Variants in FBXW7 observed in about 807,000 individuals in gnomAD.
FBXW7 encodes the protein F-box and WD repeat domain containing 7.
FBXW7 carries 11 observed loss-of-function variants against 86.3 expected under a neutral mutation model. The ratio of observed to expected loss-of-function variants is 0.13; its 90% confidence interval spans 0.08 to 0.21. The LOEUF is 0.21. Ranked by LOEUF, FBXW7 falls within the 10% of genes least tolerant of loss-of-function variation. The pLI is 1.00. For synonymous variants in FBXW7, 313 were observed against 297.9 expected, an observed-to-expected ratio of 1.05 and a Z score of -0.52; for missense variants, 488 against 847.4, an observed-to-expected ratio of 0.58 and a Z score of 5.27.
chr4:152,411,903 T>A (rs1247890710), intron 3 of FBXW7, 31 bp from the exon 4 acceptor site: 2 of 1,441,756 alleles, frequency 1.4e-6, no homozygotes, highest in Non-Finnish European at 1.8e-6. Context: ...AAAAACAAGA[T>A]TTGTACAATC....
intron 4 of FBXW7, among the ~76,000 whole-genome samples, chr4:152,389,219 T>C (rs1735790853): frequency 1.3e-5 from 2 of 152,032 alleles, no homozygotes; most frequent in African/African-American, 4.8e-5. Context: ...ATGGAAAACA[T>C]TATGGAGATT....
chr4:152,332,573 C>A, intron 8 of FBXW7, 23 bp downstream of exon 8: 1 of 1,547,592 alleles, frequency 6.5e-7, no homozygotes, highest in Non-Finnish European at 8.8e-7. Context: ...TAAACATATT[C>A]TCTATGCAAT....
chr4:152,484,146 C>G (rs943961123), intron 2 of FBXW7, among the ~76,000 whole-genome samples: 1 of 152,128 alleles, frequency 6.6e-6, no homozygotes, highest in Non-Finnish European at 1.5e-5. Context: ...TTTCTTCATA[C>G]AAATCCTATT....
Position 152,321,409 on chromosome 4 carries a change from G to A in FBXW7, c.*1472C>T, listed in dbSNP as rs1349705663. ...AAAATTAACCAACTTGAATCTGATT[G>A]TTTTAAATCAGACTATAAATAAAAC... On this transcript the variant is annotated 3_prime_UTR_variant, in exon 14 of 14. Transcript: ENST00000281708. 4.3e-6 allele frequency: 1 copy of A among 232,704 alleles called. No homozygotes were observed. Among genetic ancestry groups the A allele is most frequent in the Non-Finnish European group, 8.5e-6 (1 of 117,544 alleles). The allele number at this position is 232,704 out of a possible 1,614,324, so 14.4% of individuals were successfully genotyped here. A position where few individuals can be genotyped will look rare whatever the true frequency, so the allele number is the denominator to read the frequency against.
chr4:152,434,331 T>G (rs1740184172), intron 2 of FBXW7, among the ~76,000 whole-genome samples: 1 of 152,204 alleles, frequency 6.6e-6, no homozygotes, highest in African/African-American at 2.4e-5. Flanking sequence ...TGGTACCAAT[T>G]AACATCAAAA....
At chr4:152,370,339 C>T (rs2126733248) in intron 4 of FBXW7, among the ~76,000 whole-genome samples, 1 of 151,932 alleles carries the variant, frequency 6.6e-6, no homozygotes, top group East Asian at 1.9e-4. Flanking sequence ...ACAGATTTTC[C>T]CATCATTATA....
intron 2 of FBXW7, among the ~76,000 whole-genome samples, chr4:152,443,559 A>T (rs1741097299): frequency 6.6e-6 from 1 of 152,132 alleles, no homozygotes; most frequent in Admixed American, 6.5e-5. Context: ...TACCCAACTG[A>T]CTCCTGCATA....
chr4:152,426,897 C>G (rs534655141), intron 2 of FBXW7, among the ~76,000 whole-genome samples: 2 of 152,286 alleles, frequency 1.3e-5, no homozygotes, highest in Admixed American at 1.3e-4. Flanking sequence ...CTTGGGAAAA[C>G]AGAGTCAAGA....
At chr4:152,444,196 A>G (rs1471227110) in intron 2 of FBXW7, among the ~76,000 whole-genome samples, 1 of 152,224 alleles carries the variant, frequency 6.6e-6, no homozygotes, top group Non-Finnish European at 1.5e-5. Flanking sequence ...CACTATATGT[A>G]CATATATGTA....
intron 4 of FBXW7, among the ~76,000 whole-genome samples, chr4:152,368,355 AG>A (rs1473733296): frequency 2.6e-5 from 4 of 152,040 alleles, no homozygotes; most frequent in Non-Finnish European, 5.9e-5. Context: ...AAATAGAGGT[AG>A]GGGGTGGTTA....
At chr4:152,375,302 T>C (rs1351088530) in intron 4 of FBXW7, among the ~76,000 whole-genome samples, 2 of 152,012 alleles carry the variant, frequency 1.3e-5, no homozygotes, top group Non-Finnish European at 2.9e-5. Flanking sequence ...AATTCAGAAA[T>C]GTAAAAGTAT....
At chr4:152,508,263 C>T (rs1204006555) in intron 2 of FBXW7, among the ~76,000 whole-genome samples, 1 of 151,852 alleles carries the variant, frequency 6.6e-6, no homozygotes, top group African/African-American at 2.4e-5. Flanking sequence ...AAAAAATCCG[C>T]GAGTCCATTC....
Position 152,322,707 on chromosome 4 carries a change from T to C in FBXW7, c.*174A>G. ...CTTGTCAGTTATGGTTTGTCATCTC[T>C]TCTTCTTTTCCTTCTTAGTCTGTAG... On this transcript the variant is annotated 3_prime_UTR_variant, in exon 14 of 14. Coordinates refer to ENST00000281708, the MANE Select transcript of FBXW7 (RefSeq NM_001349798.2). 1 of 1,090,098 alleles carries C rather than the reference T, an allele frequency of 9.2e-7. No homozygotes were observed. The allele number at this position is 1,090,098 out of a possible 1,614,324, so 67.5% of individuals were successfully genotyped here. A position where few individuals can be genotyped will look rare whatever the true frequency, so the allele number is the denominator to read the frequency against.
Position 152,536,021 on chromosome 4 carries a change from C to T in FBXW7, c.-1107G>A, listed in dbSNP as rs952504875. On this transcript the variant is annotated 5_prime_UTR_variant, in exon 1 of 14. Transcript: ENST00000281708. ...TCAGCGGCGGCGGCGGCGGCAGCGG[C>T]AGCGGCAGCGCCCGGAGCTCAGCTC... The T allele has an allele frequency of 3.6e-5, 8 of 223,278 alleles. No individual in the cohort carries two copies. The highest frequency in any genetic ancestry group is 1.7e-5 in the Non-Finnish European group (2 of 114,606). 13.8% of individuals were successfully genotyped at this position (223,278 alleles called of 1,614,324 possible). A position where few individuals can be genotyped will look rare whatever the true frequency, so the allele number is the denominator to read the frequency against.
At chr4:152,372,099 A>T (rs890770384) in intron 4 of FBXW7, among the ~76,000 whole-genome samples, 2 of 152,046 alleles carry the variant, frequency 1.3e-5, no homozygotes, top group Non-Finnish European at 2.9e-5. Flanking sequence ...TATTAGCATG[A>T]GCTGTATTTT....
rs1364426752 is a variant in FBXW7 at position 152,330,888 on chromosome 4, G to A, written c.986-20C>T. 3 of 1,606,864 alleles carry A rather than the reference G, an allele frequency of 1.9e-6. No homozygotes were observed. The highest frequency in any genetic ancestry group is 2.6e-6 in the Non-Finnish European group (3 of 1,176,452). ...CAATCCCTAAAGTGTTACAGTTCAA[G>A]AGTAAATTGCCTTCACCAATAATAA... is the stretch of plus-strand genomic sequence containing the variant. On this transcript the variant is annotated intron_variant, in intron 8 of 13. Transcript: ENST00000281708.
At chr4:152,332,783 T>C in intron 7 of FBXW7, 64 bp from the exon 8 acceptor site, 1 of 794,684 alleles carries the variant, frequency 1.3e-6, no homozygotes, top group Non-Finnish European at 1.6e-6. Context: ...TATAATAAGT[T>C]AATTATTCTC....
At position 152,350,058 on chromosome 4, in the gene FBXW7, CT is replaced by C; in HGVS notation, c.567del (p.Val190SerfsTer49). On this transcript the variant is annotated frameshift_variant, in exon 5 of 14. Coordinates refer to ENST00000281708, the MANE Select transcript of FBXW7 (RefSeq NM_001349798.2). LOFTEE classifies it high-confidence loss of function. ...RSFSLGKKPC[K>X]VSEYTSTTGL... ...TAATATTACCTTGTATATTCTGAGA[CT>C]TTGCATGGTTTCTTTCCCAAAGAAA... 6.4e-7 allele frequency: 1 copy of C among 1,554,882 alleles called. No homozygotes were observed. Among genetic ancestry groups the C allele is most frequent in the Non-Finnish European group, 8.7e-7 (1 of 1,143,314 alleles).
chr4:152,411,156 C>T, intron 4 of FBXW7, 147 bp downstream of exon 4: 2 of 1,186,838 alleles, frequency 1.7e-6, no homozygotes, highest in Non-Finnish European at 2.2e-6. Flanking sequence ...TTTCCATTAC[C>T]TTCTGTAAGA....
Sources: gnomAD v4.1 joint callset for allele counts (sites outside exome capture counted in the v4.1 genomes callset) on GRCh38, gnomAD v4.1.1 for gene constraint, MANE v1.5 for transcripts, NCBI Gene and HGNC (gene_info 2026-07-23, HGNC 2026-07-21) for gene names.